KDELR1: variants seen among roughly 807,000 people sequenced by gnomAD.
KDELR1 encodes ER lumen protein-retaining receptor 1.
KDELR1 carries 16 observed loss-of-function variants against 25.5 expected under a neutral mutation model. The ratio of observed to expected loss-of-function variants is 0.63; its 90% CI spans 0.43 to 0.95. KDELR1 has a LOEUF of 0.95. Among genes scored for constraint, KDELR1 ranks in the 40% least tolerant of loss-of-function variants. The pLI is 0.00. For synonymous variants in KDELR1, 121 were observed against 115.0 expected, an observed-to-expected ratio of 1.05 and a Z score of -0.33; for missense variants, 159 against 265.2, an observed-to-expected ratio of 0.60 and a Z score of 2.78.
chr19:48,392,167 G>C (rs534742796), upstream of KDELR1, among the ~76,000 whole-genome samples: 5 of 134,610 alleles, frequency 3.7e-5, no homozygotes, highest in South Asian at 7.5e-4. Flanking sequence ...AGACCCAGGA[G>C]TCCAGGCCCC....
chr19:48,393,446 C>T (rs546330123), upstream of KDELR1, among the ~76,000 whole-genome samples: 8 of 152,246 alleles, frequency 5.3e-5, no homozygotes, highest in Admixed American at 1.3e-4. The surrounding 1 kb of genome is among the most constrained non-coding windows in gnomAD (Gnocchi z 5.6). Flanking sequence ...GTCTCCATAC[C>T]GGGTTCTGAG....
At chr19:48,391,690 T>C (rs770985961), upstream of KDELR1, 29 of 376,660 alleles carry the variant, frequency 7.7e-5, no homozygotes, top group Non-Finnish European at 1.2e-4. Context: ...AGCTGCCCCA[T>C]AGGAACTTGG....
chr19:48,394,708 G>A (rs1049548861), upstream of KDELR1, among the ~76,000 whole-genome samples: 1 of 152,198 alleles, frequency 6.6e-6, no homozygotes, highest in Admixed American at 6.5e-5. This position sits in a 1 kb window ranked among gnomAD's most constrained non-coding sequence, Gnocchi z 5.1. Context: ...CGCAACCTTG[G>A]GGGAGAGACA....
At chr19:48,396,011 C>T (rs1197192087), upstream of KDELR1, among the ~76,000 whole-genome samples, 1 of 151,938 alleles carries the variant, frequency 6.6e-6, no homozygotes, top group Non-Finnish European at 1.5e-5. Flanking sequence ...CAGAAGGACT[C>T]CTGGGTCTTT....
intron 3 of KDELR1, among the ~76,000 whole-genome samples, chr19:48,388,469 T>A (rs566175391): frequency 4.5e-4 from 69 of 152,234 alleles, no homozygotes; most frequent in African/African-American, 1.7e-3. Flanking sequence ...GTGGATCACC[T>A]GAGGTCAGGA....
Position 48,384,116 on chromosome 19 carries a change from G to A in KDELR1, c.604+114C>T, listed in dbSNP as rs573508010. The A allele has an allele frequency of 5.8e-4, 784 of 1,357,922 alleles. No individual in the cohort carries two copies. Among genetic ancestry groups the A allele is most frequent in the Middle Eastern group, 1.6e-3 (7 of 4,510 alleles). 84.1% of individuals were successfully genotyped at this position (1,357,922 alleles called of 1,614,324 possible). A position where few individuals can be genotyped will look rare whatever the true frequency, so the allele number is the denominator to read the frequency against. The stretch of plus-strand genomic sequence containing the variant: ...AGGCCTGCCACCCCAGAAACCCGGC[G>A]AAGAAATGCTCCCTTCTTTGCATAA... On this transcript the variant is annotated intron_variant, in intron 4 of 4. Transcript: ENST00000330720. The surrounding 1 kb of genome is among the most constrained non-coding windows in gnomAD (Gnocchi z 4.6).
upstream of KDELR1, among the ~76,000 whole-genome samples, chr19:48,392,367 C>A (rs575504482): frequency 9.3e-5 from 14 of 150,056 alleles, no homozygotes; most frequent in Admixed American, 4.0e-4. Context: ...GCCCCAGCCC[C>A]TCCTCCCTCA....
At chr19:48,391,723 T>G (rs1970556602), upstream of KDELR1, among the ~76,000 whole-genome samples, 2 of 152,040 alleles carry the variant, frequency 1.3e-5, no homozygotes, top group South Asian at 4.1e-4. Context: ...GTTCGGAAAG[T>G]GCCAAATCCA....
intron 3 of KDELR1, among the ~76,000 whole-genome samples, chr19:48,385,776 C>CTAGCATT (rs2147420066): frequency 6.6e-6 from 1 of 152,332 alleles, no homozygotes; most frequent in South Asian, 2.1e-4. Flanking sequence ...TCATGCTTTT[C>CTAGCATT]TAGCATTTAC....
At chr19:48,385,188 A>T (rs1480554587) in intron 3 of KDELR1, among the ~76,000 whole-genome samples, 1 of 152,080 alleles carries the variant, frequency 6.6e-6, no homozygotes, top group Non-Finnish European at 1.5e-5. Context: ...TGCCGGGCCC[A>T]CATGCCATTT....
rs1298411300 is a variant in KDELR1 at position 48,384,293 on chromosome 19, T to C, written c.541A>G (p.Ile181Val). Residue 181 changes from isoleucine (I) to valine (V), a missense_variant, in exon 4 of 5, where the codon ATT (isoleucine) becomes GTT (valine). Transcript: ENST00000330720. This position sits in a 1 kb window ranked among gnomAD's most constrained non-coding sequence, Gnocchi z 4.6. ...ACTGTCTGGACCAGGCCTGCCACAA[T>C]GGCGATGAGGTCGAAGAAGCCCTCG... ...HFEGFFDLIA[I>V]VAGLVQTVLY... 1.2e-6 allele frequency: 2 copies of C among 1,614,222 alleles called. No individual in the cohort carries two copies. Among genetic ancestry groups the C allele is most frequent in the East Asian group, 4.5e-5 (2 of 44,890 alleles).
rs148500592 is a variant in KDELR1 at position 48,384,333 on chromosome 19, G to A, written c.501C>T (p.Ile167=). ...VYRTLYLFNW[I]WRYHFEGFFD... is the part of the protein sequence containing the mutation. Reference sequence around the variant, plus strand: ...AGAAGCCCTCGAAATGGTAGCGCCAGATCCAGTTGAAGAGATAGAGCGTGC... The same window carrying A: ...AGAAGCCCTCGAAATGGTAGCGCCAAATCCAGTTGAAGAGATAGAGCGTGC... Residue 167 remains isoleucine, a synonymous_variant, in exon 4 of 5, where the codon ATC becomes ATT. Coordinates refer to ENST00000330720, the MANE Select transcript of KDELR1 (RefSeq NM_006801.3). The surrounding 1 kb of genome is among the most constrained non-coding windows in gnomAD (Gnocchi z 4.6). 2.4e-5 allele frequency: 38 copies of A among 1,614,136 alleles called. No homozygotes were observed. The African/African-American group carries it at 4.3e-4, about 18-fold the overall frequency.
rs567545231 is a variant in KDELR1 at position 48,390,291 on chromosome 19, G to A, written c.192+133C>T. On this transcript the variant is annotated intron_variant, in intron 2 of 4. Coordinates refer to ENST00000330720, the MANE Select transcript of KDELR1 (RefSeq NM_006801.3). ...TCTTCCCTCAGACCCAAGAGTCCAG[G>A]CCCCCGGCCCCTCCTCCCTCAGACC... 55 of 606,446 alleles carry A rather than the reference G, an allele frequency of 9.1e-5. No homozygotes were observed. The African/African-American group carries it at 1.1e-3, about 12-fold the overall frequency. 37.6% of individuals were successfully genotyped at this position (606,446 alleles called of 1,614,324 possible). A position where few individuals can be genotyped will look rare whatever the true frequency, so the allele number is the denominator to read the frequency against.
chr19:48,385,933 G>C (rs917024329), intron 3 of KDELR1, among the ~76,000 whole-genome samples: 9 of 152,246 alleles, frequency 5.9e-5, no homozygotes, highest in African/African-American at 2.2e-4. Flanking sequence ...GAAGCACGTA[G>C]AGTCCAGGAC....
chr19:48,392,919 G>A (rs3760794), upstream of KDELR1, among the ~76,000 whole-genome samples: 57 of 152,328 alleles, frequency 3.7e-4, 1 homozygote, highest in East Asian at 0.01. Flanking sequence ...TGGGACCCCC[G>A]GGGAACAGCC....
intron 2 of KDELR1, 109 bp downstream of exon 2, chr19:48,390,315 C>G: frequency 1.3e-6 from 1 of 752,968 alleles, no homozygotes; most frequent in Non-Finnish European, 2.2e-6. Flanking sequence ...CTCCCTCAGA[C>G]CCAGGAGTCC....
At chr19:48,394,671 G>C (rs1970614655), upstream of KDELR1, among the ~76,000 whole-genome samples, 1 of 152,206 alleles carries the variant, frequency 6.6e-6, no homozygotes, top group Admixed American at 6.5e-5. This position sits in a 1 kb window ranked among gnomAD's most constrained non-coding sequence, Gnocchi z 5.1. Flanking sequence ...AACATGTGTA[G>C]CCACGTCCTC....
rs1555890422 is a variant in KDELR1 at position 48,390,577 on chromosome 19, G to GAGAGAGAGAGAGAGAGACAGAC, written c.92-54_92-53insGTCTGTCTCTCTCTCTCTCTCT. On this transcript the variant is annotated intron_variant, in intron 1 of 4. Transcript: ENST00000330720. ...AGAGAGAGAGACAGAGAGAGAGAGA[G>GAGAGAGAGAGAGAGAGACAGAC]AGACAGACAGACAGACAGACAGACA... 4 of 980,254 alleles carry GAGAGAGAGAGAGAGAGACAGAC rather than the reference G, an allele frequency of 4.1e-6. No homozygotes were observed. In the African/African-American group the frequency reaches 6.7e-5, roughly 16 times the overall value. The allele number at this position is 980,254 out of a possible 1,614,324, so 60.7% of individuals were successfully genotyped here.
At chr19:48,396,546 T>C (rs567610231), upstream of KDELR1, among the ~76,000 whole-genome samples, 1 of 136,242 alleles carries the variant, frequency 7.3e-6, no homozygotes, top group South Asian at 2.4e-4. Context: ...TGGGTTATTT[T>C]GGGGCGGAGT....
Sources: allele counts gnomAD v4.1 joint callset (sites outside exome capture counted in the v4.1 genomes callset), GRCh38; gene constraint gnomAD v4.1.1; non-coding constraint Gnocchi (gnomAD v3.1); transcripts MANE v1.5; gene names NCBI Gene and HGNC (gene_info 2026-07-23, HGNC 2026-07-21).